The following SCMH1 variants were observed in gnomAD, a reference collection of about 807,000 sequenced individuals.
SCMH1 encodes the protein polycomb protein SCMH1.
SCMH1 carries 37 observed loss-of-function variants against 70.8 expected under a neutral mutation model. That is an observed-to-expected ratio of 0.52 (90% CI 0.40 to 0.69). The LOEUF (loss-of-function observed/expected upper bound fraction) is 0.69, where lower values mean the gene tolerates loss of function less well. SCMH1 is among the 30% of genes least tolerant of loss of function. The pLI, the probability that SCMH1 is intolerant of heterozygous loss-of-function variation, is 0.00. For missense variants in SCMH1, 607 were observed against 827.3 expected (o/e 0.73, Z 3.27); for synonymous variants, 292 against 307.4 (o/e 0.95, Z 0.52).
At chr1:41,197,072 T>C (rs985028722) in intron 1 of SCMH1, among the ~76,000 whole-genome samples, 7 of 152,050 alleles carry the variant, frequency 4.6e-5, no homozygotes, top group African/African-American at 1.7e-4. Flanking sequence ...TATGGGAAAA[T>C]TGCAACCATC....
At chr1:41,127,428 A>G (rs916505632) in intron 6 of SCMH1, among the ~76,000 whole-genome samples, 1 of 152,126 alleles carries the variant, frequency 6.6e-6, no homozygotes, top group Non-Finnish European at 1.5e-5. Flanking sequence ...TTATAAAGGA[A>G]TTTGTGTTTT....
At chr1:41,046,659 A>T in intron 11 of SCMH1, 61 bp from the exon 12 acceptor site, 1 of 1,321,106 alleles carries the variant, frequency 7.6e-7, no homozygotes, top group Non-Finnish European at 1.1e-6. Flanking sequence ...AGCGCTAGGC[A>T]GGACGAGTCC....
At chr1:41,166,588 T>C (rs1274264026) in intron 2 of SCMH1, among the ~76,000 whole-genome samples, 1 of 152,132 alleles carries the variant, frequency 6.6e-6, no homozygotes, top group Non-Finnish European at 1.5e-5. Context: ...TCTAAGTATT[T>C]TACTTAGAAG....
chr1:41,043,268 A>G (rs911807003), intron 12 of SCMH1: 8 of 149,952 alleles, frequency 5.3e-5, no homozygotes, highest in African/African-American at 2.0e-4. Context: ...TAATTTTTGT[A>G]TTTTTGGTAC....
intron 6 of SCMH1, among the ~76,000 whole-genome samples, chr1:41,122,201 G>C (rs972358528): frequency 1.2e-4 from 18 of 152,138 alleles, no homozygotes; most frequent in African/African-American, 3.9e-4. Context: ...AGGCTTACAT[G>C]ATCTGGACCT....
At chr1:41,167,370 C>A (rs1646476924) in intron 2 of SCMH1, among the ~76,000 whole-genome samples, 1 of 152,102 alleles carries the variant, frequency 6.6e-6, no homozygotes, top group South Asian at 2.1e-4. Context: ...TATCAAGGTA[C>A]TGCTGGCCTC....
chr1:41,198,815 A>C (rs1410493737), intron 1 of SCMH1, among the ~76,000 whole-genome samples: 1 of 152,192 alleles, frequency 6.6e-6, no homozygotes, highest in East Asian at 1.9e-4. Context: ...TATTACACAA[A>C]TCAGGGAAAT....
chr1:41,058,277 C>T (rs913491921), intron 10 of SCMH1, among the ~76,000 whole-genome samples: 1 of 151,210 alleles, frequency 6.6e-6, no homozygotes, highest in African/African-American at 2.4e-5. Context: ...GTTTATTAAG[C>T]TAGCTTTGGA....
chr1:41,071,063 T>A (rs2148878256), intron 9 of SCMH1, among the ~76,000 whole-genome samples: 1 of 152,308 alleles, frequency 6.6e-6, no homozygotes, highest in Admixed American at 6.5e-5. Context: ...TGCTTTGACA[T>A]TACTTTGTAC....
intron 5 of SCMH1, among the ~76,000 whole-genome samples, chr1:41,146,197 T>C (rs1404619710): frequency 2.0e-5 from 3 of 151,170 alleles, no homozygotes; most frequent in Non-Finnish European, 4.4e-5. Context: ...TTAAGTTTTT[T>C]AACAAAAAGA....
intron 4 of SCMH1, among the ~76,000 whole-genome samples, 175 bp from the exon 5 acceptor site, chr1:41,151,859 G>A (rs190933291): frequency 4.6e-5 from 7 of 152,282 alleles, no homozygotes; most frequent in Admixed American, 1.3e-4. Context: ...AGTGACCTGA[G>A]CGGATGTTTT....
intron 8 of SCMH1, among the ~76,000 whole-genome samples, chr1:41,092,538 G>T (rs373173855): frequency 2.0e-3 from 304 of 152,124 alleles, no homozygotes; most frequent in African/African-American, 6.6e-3. Flanking sequence ...CTAATTAAAC[G>T]AAAGAGCTTC....
intron 5 of SCMH1, among the ~76,000 whole-genome samples, chr1:41,146,628 C>A (rs1285618790): frequency 1.3e-5 from 2 of 151,832 alleles, no homozygotes; most frequent in Non-Finnish European, 2.9e-5. Context: ...CTACAGTATT[C>A]AGTATAGTAA....
At chr1:41,122,189 C>T (rs1672115038) in intron 6 of SCMH1, among the ~76,000 whole-genome samples, 2 of 152,200 alleles carry the variant, frequency 1.3e-5, no homozygotes, top group Non-Finnish European at 2.9e-5. Flanking sequence ...TTCATGTTTA[C>T]AAGGCTTACA....
At chr1:41,132,540 T>C (rs1642526997) in intron 6 of SCMH1, among the ~76,000 whole-genome samples, 1 of 152,238 alleles carries the variant, frequency 6.6e-6, no homozygotes, top group Admixed American at 6.5e-5. Context: ...GCAGAAGTTC[T>C]TTATTTTAAT....
At chr1:41,097,287 G>A (rs527311075) in intron 8 of SCMH1, among the ~76,000 whole-genome samples, 14 of 152,074 alleles carry the variant, frequency 9.2e-5, no homozygotes, top group East Asian at 1.9e-4. Flanking sequence ...CTAATGACAC[G>A]GTCTACCTCC....
chr1:41,223,945 G>A (rs184172392), intron 1 of SCMH1, among the ~76,000 whole-genome samples: 3 of 152,182 alleles, frequency 2.0e-5, no homozygotes, highest in Admixed American at 2.0e-4. Flanking sequence ...AAACTCCCCA[G>A]GATGGTACAA....
At chr1:41,193,954 C>G in intron 1 of SCMH1, among the ~76,000 whole-genome samples, 1 of 152,154 alleles carries the variant, frequency 6.6e-6, no homozygotes, top group Admixed American at 6.5e-5. Flanking sequence ...AATGTTCATA[C>G]AGCTTGCATA....
chr1:41,085,077 G>A (rs1040761591), intron 8 of SCMH1, among the ~76,000 whole-genome samples: 1 of 151,348 alleles, frequency 6.6e-6, no homozygotes, highest in African/African-American at 2.4e-5. Context: ...GTATACATAT[G>A]TAACTAACCT....
Sources: allele counts gnomAD v4.1 joint callset (sites outside exome capture counted in the v4.1 genomes callset), GRCh38; gene constraint gnomAD v4.1.1; transcripts MANE v1.5; gene names NCBI Gene and HGNC (gene_info 2026-07-23, HGNC 2026-07-21).